LRMDA: variants seen among roughly 807,000 people sequenced by gnomAD.
LRMDA encodes leucine rich melanocyte differentiation associated.
In LRMDA, 18 loss-of-function variants were observed where a neutral mutation model predicts 29.8. That is an observed-to-expected ratio of 0.60 (90% CI 0.42 to 0.90). The LOEUF (loss-of-function observed/expected upper bound fraction) is 0.90, where lower values mean the gene tolerates loss of function less well. Among genes scored for constraint, LRMDA ranks in the 40% least tolerant of loss-of-function variants. The pLI is 0.00. For missense variants in LRMDA, 273 were observed against 273.9 expected (o/e 1.00, Z 0.02); for synonymous variants, 125 against 109.4 (o/e 1.14, Z -0.89).
At chr10:76,357,190 G>C (rs912201071) in intron 6 of LRMDA, among the ~76,000 whole-genome samples, 3 of 152,156 alleles carry the variant, frequency 2.0e-5, no homozygotes, top group Non-Finnish European at 4.4e-5. Flanking sequence ...AAAGGAGCTT[G>C]GACTTTGCAG....
intron 5 of LRMDA, among the ~76,000 whole-genome samples, chr10:76,209,529 C>A (rs1277329503): frequency 6.6e-6 from 1 of 152,168 alleles, no homozygotes; most frequent in Non-Finnish European, 1.5e-5. Context: ...TGGATGTTAC[C>A]ATGATCCATA....
intron 2 of LRMDA, among the ~76,000 whole-genome samples, chr10:75,464,071 G>A (rs536904127): frequency 6.6e-6 from 1 of 152,336 alleles, no homozygotes; most frequent in South Asian, 2.1e-4. Context: ...CAAAGTGCTG[G>A]GATTACAGGC....
At chr10:76,227,213 T>C (rs1049247423) in intron 5 of LRMDA, among the ~76,000 whole-genome samples, 1 of 152,240 alleles carries the variant, frequency 6.6e-6, no homozygotes, top group Non-Finnish European at 1.5e-5. Context: ...CCTTGTTTAC[T>C]GTGTTCCTCC....
chr10:76,253,113 C>T (rs1852515937), intron 5 of LRMDA, among the ~76,000 whole-genome samples: 1 of 152,168 alleles, frequency 6.6e-6, no homozygotes, highest in Non-Finnish European at 1.5e-5. Context: ...CCCAGCAAAA[C>T]TCTCCCATCC....
chr10:75,854,730 C>G (rs974720096), intron 2 of LRMDA, among the ~76,000 whole-genome samples: 3 of 151,938 alleles, frequency 2.0e-5, no homozygotes, highest in Non-Finnish European at 4.4e-5. Flanking sequence ...CCCCCCACCC[C>G]ACAACAGGCC....
intron 2 of LRMDA, among the ~76,000 whole-genome samples, chr10:75,621,224 A>ACACC (rs1554816440): frequency 0.14 from 19,439 of 143,098 alleles, 1,286 homozygotes; most frequent in Middle Eastern, 0.18. Context: ...ACACACACAC[A>ACACC]CCCACACACC....
chr10:75,502,639 G>A (rs1347387519), intron 2 of LRMDA, among the ~76,000 whole-genome samples: 1 of 152,172 alleles, frequency 6.6e-6, no homozygotes. Flanking sequence ...TTGAACTCAG[G>A]CAGGTGCAAG....
chr10:76,282,317 T>C (rs1341706341), intron 5 of LRMDA, among the ~76,000 whole-genome samples: 4 of 152,224 alleles, frequency 2.6e-5, no homozygotes, highest in African/African-American at 9.6e-5. Context: ...AAGAAATTTA[T>C]GTGGTAATAA....
chr10:75,957,144 A>G (rs1468378082), intron 2 of LRMDA, among the ~76,000 whole-genome samples: 2 of 152,246 alleles, frequency 1.3e-5, no homozygotes, highest in Non-Finnish European at 2.9e-5. Context: ...TGCACTGATG[A>G]TGGCACACAC....
chr10:76,101,924 G>A (rs1344514029), intron 5 of LRMDA, among the ~76,000 whole-genome samples: 2 of 151,938 alleles, frequency 1.3e-5, no homozygotes, highest in Admixed American at 6.6e-5. Flanking sequence ...CCAGCCCTTG[G>A]GGAATAACAA....
chr10:76,352,285 A>G (rs2132433451), intron 6 of LRMDA, among the ~76,000 whole-genome samples: 1 of 152,224 alleles, frequency 6.6e-6, no homozygotes, highest in African/African-American at 2.4e-5. Flanking sequence ...TAGTATAATT[A>G]TTAGGCATGG....
chr10:76,546,546 G>A (rs1843423272), intron 6 of LRMDA, among the ~76,000 whole-genome samples: 1 of 152,194 alleles, frequency 6.6e-6, no homozygotes, highest in South Asian at 2.1e-4. Context: ...GGAAAGCTAA[G>A]AAGATGTGTG....
At chr10:76,217,130 T>A (rs1374558970) in intron 5 of LRMDA, among the ~76,000 whole-genome samples, 1 of 152,192 alleles carries the variant, frequency 6.6e-6, no homozygotes, top group African/African-American at 2.4e-5. Flanking sequence ...TGTATTATTA[T>A]ATACATACAT....
intron 5 of LRMDA, among the ~76,000 whole-genome samples, chr10:76,122,523 A>G (rs1307167928): frequency 2.0e-5 from 3 of 152,054 alleles, no homozygotes; most frequent in Non-Finnish European, 4.4e-5. Flanking sequence ...GGAGATGATA[A>G]TTGTCTCTAG....
chr10:76,545,186 T>A (rs1309488103), intron 6 of LRMDA, among the ~76,000 whole-genome samples: 1 of 151,664 alleles, frequency 6.6e-6, no homozygotes, highest in Non-Finnish European at 1.5e-5. Flanking sequence ...ATTTTGTTTT[T>A]TTTTTTTTGT....
chr10:76,389,442 T>C (rs1266250501), intron 6 of LRMDA, among the ~76,000 whole-genome samples: 3 of 152,264 alleles, frequency 2.0e-5, no homozygotes, highest in Non-Finnish European at 4.4e-5. Context: ...GCCATGTATT[T>C]ATTAGCATTT....
At chr10:76,055,223 C>G (rs4237285) in intron 4 of LRMDA, among the ~76,000 whole-genome samples, 2 of 151,760 alleles carry the variant, frequency 1.3e-5, no homozygotes, top group Non-Finnish European at 2.9e-5. Context: ...GGACAATAGA[C>G]TGAGGCCAGG....
intron 2 of LRMDA, among the ~76,000 whole-genome samples, chr10:75,521,154 G>C (rs3012048): frequency 0.92 from 139,157 of 151,918 alleles, 64,004 homozygotes; most frequent in African/African-American, 0.98. Flanking sequence ...TTAGACTACA[G>C]GGGGGTCAGG....
At chr10:75,809,380 A>AT (rs1236317781) in intron 2 of LRMDA, among the ~76,000 whole-genome samples, 2 of 152,220 alleles carry the variant, frequency 1.3e-5, no homozygotes, top group East Asian at 3.9e-4. Flanking sequence ...GCAGTGGCTC[A>AT]TGCCTGTAAT....
Sources: allele counts gnomAD v4.1 joint callset (sites outside exome capture counted in the v4.1 genomes callset), GRCh38; gene constraint gnomAD v4.1.1; transcripts MANE v1.5; gene names NCBI Gene and HGNC (gene_info 2026-07-23, HGNC 2026-07-21).